PLXNA4: variants seen among roughly 807,000 people sequenced by gnomAD.
PLXNA4 encodes the protein plexin A4.
PLXNA4 carries 44 observed loss-of-function variants against 191.8 expected under a neutral mutation model. The ratio of observed to expected loss-of-function variants is 0.23; its 90% CI spans 0.18 to 0.29. PLXNA4 has a LOEUF of 0.29. PLXNA4 is among the 10% of genes least tolerant of loss of function. PLXNA4 has a pLI of 1.00. For synonymous variants in PLXNA4, 1,082 were observed against 1,009.5 expected (o/e 1.07, Z -1.36); for missense variants, 1,800 against 2,488.8 (o/e 0.72, Z 5.89).
At chr7:132,460,196 G>GT (rs1401900597) in intron 3 of PLXNA4, among the ~76,000 whole-genome samples, 1 of 151,886 alleles carries the variant, frequency 6.6e-6, no homozygotes, top group African/African-American at 2.4e-5. Context: ...TCTGCCAAAA[G>GT]TTTTTTAAAA....
intron 4 of PLXNA4, among the ~76,000 whole-genome samples, chr7:132,291,611 T>C (rs1463081932): frequency 6.6e-6 from 1 of 152,146 alleles, no homozygotes; most frequent in Non-Finnish European, 1.5e-5. Flanking sequence ...TGTGTGCAGA[T>C]ATGCACATGT....
In PLXNA4 at chr7:132,539,978, AG is replaced by A. The variant is rs747644574; in HGVS notation, c.-86-31200del. ...CCTTTCCTTCTCTCTGACTTGCAAA[AG>A]GTCTCCTCTGGGGCCATTTCCCTTC... On this transcript the variant is annotated intron_variant, in intron 1 of 31. Coordinates refer to ENST00000321063, the MANE Select transcript of PLXNA4 (RefSeq NM_020911.2). Among the ~76,000 whole-genome samples the A allele has an allele frequency of 4.6e-5, 7 of 152,318 alleles. No homozygotes were observed. The South Asian group carries it at 1.5e-3, about 32-fold the overall frequency.
intron 1 of PLXNA4, among the ~76,000 whole-genome samples, chr7:132,546,210 T>C (rs982244935): frequency 7.9e-5 from 12 of 152,124 alleles, no homozygotes; most frequent in Non-Finnish European, 1.5e-4. Context: ...TGAAAAACAA[T>C]GGCAGCACTG....
chr7:132,437,491 GAGTT>G (rs1186857092), intron 3 of PLXNA4, among the ~76,000 whole-genome samples: 1 of 151,512 alleles, frequency 6.6e-6, no homozygotes, highest in Non-Finnish European at 1.5e-5. Context: ...GTATGTGTGA[GAGTT>G]AGGGGGTTGT....
intron 10 of PLXNA4, among the ~76,000 whole-genome samples, chr7:132,206,437 G>GATGT: frequency 6.7e-6 from 1 of 148,444 alleles, no homozygotes; most frequent in African/African-American, 2.5e-5. Flanking sequence ...TATGTTTTCT[G>GATGT]GTGTGTGTGT....
intron 3 of PLXNA4, among the ~76,000 whole-genome samples, chr7:132,466,321 T>C (rs1796699769): frequency 6.6e-6 from 1 of 152,216 alleles, no homozygotes; most frequent in Non-Finnish European, 1.5e-5. Context: ...AGGACCCGTA[T>C]GGGCTCTGGA....
intron 4 of PLXNA4, among the ~76,000 whole-genome samples, chr7:132,285,465 C>T (rs1263057396): frequency 6.6e-6 from 1 of 152,206 alleles, no homozygotes; most frequent in Non-Finnish European, 1.5e-5. Flanking sequence ...AGCCATTGTG[C>T]ATCCCTTCAA....
At chr7:132,153,552 A>G (rs1795705928) in intron 25 of PLXNA4, among the ~76,000 whole-genome samples, 1 of 152,068 alleles carries the variant, frequency 6.6e-6, no homozygotes, top group African/African-American at 2.4e-5. Context: ...AGTCTCTAGG[A>G]AGGGGAGAGG....
intron 30 of PLXNA4, among the ~76,000 whole-genome samples, chr7:132,135,272 G>A (rs1795078969): frequency 6.6e-6 from 1 of 152,200 alleles, no homozygotes; most frequent in African/African-American, 2.4e-5. Context: ...TGGTAACTCA[G>A]CTGAGTTCCA....
At chr7:132,447,834 A>T (rs1563104168) in intron 3 of PLXNA4, among the ~76,000 whole-genome samples, 2 of 151,918 alleles carry the variant, frequency 1.3e-5, no homozygotes, top group Non-Finnish European at 1.5e-5. Flanking sequence ...TTAAAAAAAA[A>T]AAAAGATTAA....
chr7:132,151,278 G>GGAGGAGGAGGAAGAA (rs1236432790), intron 25 of PLXNA4, among the ~76,000 whole-genome samples: 28 of 88,414 alleles, frequency 3.2e-4, no homozygotes, highest in African/African-American at 9.7e-4. Context: ...GGAAGAAGAA[G>GGAGGAGGAGGAAGAA]GAGGAGGAGG....
intron 2 of PLXNA4, among the ~76,000 whole-genome samples, chr7:132,610,050 T>A (rs1803016405): frequency 6.6e-6 from 1 of 152,316 alleles, no homozygotes; most frequent in South Asian, 2.1e-4. Flanking sequence ...TATGCCCAGC[T>A]CTCTTCACAA....
intron 3 of PLXNA4, among the ~76,000 whole-genome samples, chr7:132,379,250 T>A (rs1804791979): frequency 6.6e-6 from 1 of 152,134 alleles, no homozygotes; most frequent in African/African-American, 2.4e-5. Flanking sequence ...GGTTGTTGTG[T>A]GTGGGCAAGG....
At chr7:132,181,108 C>T (rs1216869871) in intron 18 of PLXNA4, among the ~76,000 whole-genome samples, 1 of 152,210 alleles carries the variant, frequency 6.6e-6, no homozygotes, top group African/African-American at 2.4e-5. Flanking sequence ...AGCAGTGAGC[C>T]TGACCTGCCA....
At chr7:132,563,763 T>C (rs1275007645) in intron 1 of PLXNA4, among the ~76,000 whole-genome samples, 38 of 37,948 alleles carry the variant, frequency 1.0e-3, no homozygotes, top group Non-Finnish European at 1.1e-3. Flanking sequence ...TTCTCCTCCT[T>C]TTCCTCTTCC....
At chr7:132,333,947 A>G (rs1366798938) in intron 3 of PLXNA4, among the ~76,000 whole-genome samples, 1 of 152,182 alleles carries the variant, frequency 6.6e-6, no homozygotes, top group East Asian at 1.9e-4. Context: ...TGGAAGACCT[A>G]CTTCTCCATG....
chr7:132,582,732 G>C (rs1802427140), intron 2 of PLXNA4, among the ~76,000 whole-genome samples: 1 of 152,178 alleles, frequency 6.6e-6, no homozygotes, highest in Admixed American at 6.5e-5. Context: ...ATAAGATATG[G>C]TTTTATGCCA....
intron 3 of PLXNA4, among the ~76,000 whole-genome samples, chr7:132,381,783 T>C (rs895774279): frequency 7.2e-5 from 11 of 152,160 alleles, no homozygotes; most frequent in African/African-American, 2.7e-4. Context: ...GAGGCTTTAA[T>C]GGAGAGCGCC....
chr7:132,148,892 C>T (rs1286595766), intron 25 of PLXNA4, among the ~76,000 whole-genome samples: 1 of 152,180 alleles, frequency 6.6e-6, no homozygotes, highest in African/African-American at 2.4e-5. Context: ...TCCACCCTTG[C>T]CCATCTGCTT....
Sources: allele counts gnomAD v4.1 joint callset (sites outside exome capture counted in the v4.1 genomes callset), GRCh38; gene constraint gnomAD v4.1.1; transcripts MANE v1.5; gene names NCBI Gene and HGNC (gene_info 2026-07-23, HGNC 2026-07-21).